Variants in JAML observed in about 807,000 individuals in gnomAD.
The protein encoded by JAML is junctional adhesion molecule-like.
A neutral mutation model predicts 39.3 loss-of-function variants in JAML; 25 were observed. The ratio of observed to expected loss-of-function variants is 0.64; its 90% confidence interval spans 0.46 to 0.89. The LOEUF is 0.89. JAML is among the 40% of genes least tolerant of loss of function. JAML has a pLI of 0.00. For synonymous variants in JAML, 162 were observed against 179.2 expected (o/e 0.90, Z 0.77); for missense variants, 440 against 486.9 (o/e 0.90, Z 0.91).
Position 118,224,374 on chromosome 11 carries a change from C to T in JAML, c.-21+567G>A, listed in dbSNP as rs536015725. ...TAGCTTTCTTGGGAGATTTAAGTCT[C>T]GGGCTTCTAAAGGTTAAATATTGGT... On this transcript the variant is annotated intron_variant, in intron 1 of 9. Coordinates refer to ENST00000356289, the MANE Select transcript of JAML (RefSeq NM_001098526.2). Among the ~76,000 whole-genome samples the T allele has an allele frequency of 5.3e-5, 8 of 152,124 alleles. No individual in the cohort carries two copies. The South Asian group carries it at 1.7e-3, about 32-fold the overall frequency.
At chr11:118,217,544 C>T (rs1949159904) in intron 1 of JAML, among the ~76,000 whole-genome samples, 1 of 152,190 alleles carries the variant, frequency 6.6e-6, no homozygotes. Flanking sequence ...TCAGATCTTC[C>T]TTTAACCAAC....
intron 4 of JAML, among the ~76,000 whole-genome samples, chr11:118,208,610 G>A (rs1948973338): frequency 6.6e-6 from 1 of 152,210 alleles, no homozygotes. Flanking sequence ...CTAGCTGCAG[G>A]CGGGAAATGG....
At chr11:118,214,042 A>C (rs550392980) in intron 2 of JAML, among the ~76,000 whole-genome samples, 15 of 152,326 alleles carry the variant, frequency 9.8e-5, no homozygotes, top group Admixed American at 9.8e-4. Context: ...CAGGGTTTAA[A>C]TTACTGTCCA....
chr11:118,221,540 T>C (rs1190221240), intron 1 of JAML, among the ~76,000 whole-genome samples: 3 of 152,224 alleles, frequency 2.0e-5, no homozygotes, highest in African/African-American at 7.2e-5. Context: ...GAGAATCTAA[T>C]ACCCTCGCTG....
intron 4 of JAML, among the ~76,000 whole-genome samples, chr11:118,208,461 A>G (rs1367873427): frequency 6.6e-6 from 1 of 152,256 alleles, no homozygotes; most frequent in Admixed American, 6.5e-5. Context: ...ATGCTTATTA[A>G]TTGCTTACTC....
intron 7 of JAML, among the ~76,000 whole-genome samples, chr11:118,198,668 C>T (rs1420951790): frequency 8.3e-6 from 1 of 120,258 alleles, no homozygotes; most frequent in African/African-American, 3.7e-5. Context: ...TGGCCTAAGT[C>T]AGAACTAAAA....
At chr11:118,210,260 G>A (rs1478116336) in intron 4 of JAML, among the ~76,000 whole-genome samples, 2 of 152,128 alleles carry the variant, frequency 1.3e-5, no homozygotes, top group African/African-American at 4.8e-5. Flanking sequence ...GGGCTTTTGT[G>A]AGGGGGAAGT....
intron 9 of JAML, among the ~76,000 whole-genome samples, chr11:118,194,881 G>A (rs1475913073): frequency 6.6e-6 from 1 of 152,212 alleles, no homozygotes; most frequent in African/African-American, 2.4e-5. Flanking sequence ...TTCACCAACA[G>A]CCTTATTTAA....
At chr11:118,212,807 C>G in intron 2 of JAML, 1 of 1,612,512 alleles carries the variant, frequency 6.2e-7, no homozygotes, top group Non-Finnish European at 8.5e-7. Context: ...CCTATCCAGC[C>G]CCTTACACTT....
intron 4 of JAML, among the ~76,000 whole-genome samples, chr11:118,206,986 G>C (rs1223538199): frequency 6.6e-6 from 1 of 152,164 alleles, no homozygotes; most frequent in Non-Finnish European, 1.5e-5. Flanking sequence ...AGGGAACAGA[G>C]TGCATAAGCC....
At chr11:118,196,399 A>T (rs1948656492) in intron 9 of JAML, among the ~76,000 whole-genome samples, 1 of 152,148 alleles carries the variant, frequency 6.6e-6, no homozygotes, top group Admixed American at 6.5e-5. Flanking sequence ...AAGTGCTGGG[A>T]TTTCAGGCAT....
intron 7 of JAML, among the ~76,000 whole-genome samples, chr11:118,199,136 T>C (rs1265243784): frequency 1.3e-5 from 2 of 152,256 alleles, no homozygotes; most frequent in African/African-American, 4.8e-5. Flanking sequence ...TGACAGACAC[T>C]GGCAATTATC....
chr11:118,210,344 A>G lies in JAML; in HGVS notation c.424+143T>C, dbSNP rs1949021920. ...TAACTCTATTTTTATTGACTGAAAT[A>G]ATTATGATCATTTTTTGAAGATTCA... is the stretch of plus-strand genomic sequence containing the variant. On this transcript the variant is annotated intron_variant, in intron 4 of 9. Coordinates refer to ENST00000356289, the MANE Select transcript of JAML (RefSeq NM_001098526.2). 8.2e-6 allele frequency: 5 copies of G among 606,210 alleles called. No individual in the cohort carries two copies. The South Asian group carries it at 1.3e-4, about 16-fold the overall frequency. The allele number at this position is 606,210 out of a possible 1,614,324, so 37.6% of individuals were successfully genotyped here. A position where few individuals can be genotyped will look rare whatever the true frequency, so the allele number is the denominator to read the frequency against.
chr11:118,194,209 A>G lies in JAML; in HGVS notation c.*116T>C. On this transcript the variant is annotated 3_prime_UTR_variant, in exon 10 of 10. Transcript: ENST00000356289. Reference sequence around the variant, plus strand: ...CCATCTTCAGTGTATTGACCAAACAATGAGACAGGAGGACAGCTGGGAGAG... The same window carrying G: ...CCATCTTCAGTGTATTGACCAAACAGTGAGACAGGAGGACAGCTGGGAGAG... 2 of 901,948 alleles carry G rather than the reference A, an allele frequency of 2.2e-6. No homozygotes were observed. The highest frequency in any genetic ancestry group is 2.6e-5 in the East Asian group (1 of 38,834). The allele number at this position is 901,948 out of a possible 1,614,324, so 55.9% of individuals were successfully genotyped here.
At chr11:118,200,160 G>T (rs1040052082) in intron 7 of JAML, among the ~76,000 whole-genome samples, 1 of 152,144 alleles carries the variant, frequency 6.6e-6, no homozygotes, top group African/African-American at 2.4e-5. Context: ...TCATCTTTTA[G>T]GCAGTGAATG....
intron 3 of JAML, 98 bp downstream of exon 3, chr11:118,212,309 A>G: frequency 6.9e-7 from 1 of 1,445,406 alleles, no homozygotes; most frequent in Non-Finnish European, 9.3e-7. Context: ...CTCTTGCAAC[A>G]CCTCCTGGTG....
chr11:118,202,594 C>A (rs911300602), intron 6 of JAML: 1 of 217,542 alleles, frequency 4.6e-6, no homozygotes, highest in South Asian at 6.4e-5. Flanking sequence ...CTGCATGAGC[C>A]CCCATAATGG....
intron 3 of JAML, 59 bp downstream of exon 3, chr11:118,212,348 C>A: frequency 1.3e-6 from 2 of 1,583,520 alleles, no homozygotes; most frequent in South Asian, 1.2e-5. Flanking sequence ...TTACACCACT[C>A]TGTCCTGACA....
At chr11:118,199,064 A>G (rs893882983) in intron 7 of JAML, among the ~76,000 whole-genome samples, 1 of 152,204 alleles carries the variant, frequency 6.6e-6, no homozygotes, top group African/African-American at 2.4e-5. Context: ...ATATCTTTCC[A>G]TGTCATTATG....
Sources: gnomAD v4.1 joint callset for allele counts (sites outside exome capture counted in the v4.1 genomes callset) on GRCh38, gnomAD v4.1.1 for gene constraint, MANE v1.5 for transcripts, NCBI Gene and HGNC (gene_info 2026-07-23, HGNC 2026-07-21) for gene names.